SBF2: variants seen among roughly 807,000 people sequenced by gnomAD.
The protein encoded by SBF2 is myotubularin-related protein 13.
In SBF2, 112 loss-of-function variants were observed where a neutral mutation model predicts 225.2. The ratio of observed to expected loss-of-function variants is 0.50; its 90% CI spans 0.43 to 0.58. The LOEUF (loss-of-function observed/expected upper bound fraction) is 0.58. Among genes scored for constraint, SBF2 ranks in the 20% least tolerant of loss-of-function variants. The pLI is 0.00. For synonymous variants in SBF2, 763 were observed against 773.3 expected, an observed-to-expected ratio of 0.99 and a Z score of 0.22; for missense variants, 1,996 against 2,206.2, an observed-to-expected ratio of 0.90 and a Z score of 1.91.
intron 1 of SBF2, among the ~76,000 whole-genome samples, chr11:10,209,307 T>TTC (rs570493961): frequency 0.13 from 11,166 of 85,740 alleles, 650 homozygotes; most frequent in East Asian, 0.51. Flanking sequence ...CTCCACAAAT[T>TTC]TGTTTTTTTT....
chr11:9,942,938 A>AGAAAGAAAGAAG (rs1223846067), intron 16 of SBF2, among the ~76,000 whole-genome samples: 6 of 146,206 alleles, frequency 4.1e-5, no homozygotes, highest in East Asian at 2.0e-4. Context: ...AAAGAAAGAA[A>AGAAAGAAAGAAG]GAAGGAAGGA....
intron 1 of SBF2, among the ~76,000 whole-genome samples, chr11:10,282,139 T>G (rs1441653828): frequency 6.6e-6 from 1 of 152,216 alleles, no homozygotes; most frequent in Non-Finnish European, 1.5e-5. Flanking sequence ...ATACATGACA[T>G]TTTCAGCACA....
At chr11:10,076,457 G>A (rs1951116208) in intron 2 of SBF2, among the ~76,000 whole-genome samples, 1 of 152,224 alleles carries the variant, frequency 6.6e-6, no homozygotes, top group East Asian at 1.9e-4. Context: ...ACTGAGAGGT[G>A]AGAATATGTG....
At chr11:10,267,381 T>A (rs1962097499) in intron 1 of SBF2, among the ~76,000 whole-genome samples, 1 of 151,780 alleles carries the variant, frequency 6.6e-6, no homozygotes, top group African/African-American at 2.4e-5. Flanking sequence ...TTTATAGTAA[T>A]CCGAGTAAGA....
intron 1 of SBF2, among the ~76,000 whole-genome samples, chr11:10,229,928 T>C (rs1478126259): frequency 6.6e-6 from 1 of 152,180 alleles, no homozygotes; most frequent in Non-Finnish European, 1.5e-5. Context: ...AAGTCTCCCA[T>C]TATTATTGTG....
chr11:10,113,872 C>T (rs1266921757), intron 2 of SBF2, among the ~76,000 whole-genome samples: 2 of 150,854 alleles, frequency 1.3e-5, no homozygotes, highest in African/African-American at 2.4e-5. Flanking sequence ...TTTGCTTTTA[C>T]ATTTCTCCAG....
intron 1 of SBF2, among the ~76,000 whole-genome samples, chr11:10,196,741 T>C (rs888771915): frequency 6.0e-5 from 9 of 150,228 alleles, no homozygotes; most frequent in African/African-American, 1.5e-4. Context: ...TTTAAATACA[T>C]AAAAATATAA....
chr11:10,091,597 TAC>T (rs1346311787), intron 2 of SBF2, among the ~76,000 whole-genome samples: 2 of 152,140 alleles, frequency 1.3e-5, no homozygotes, highest in Non-Finnish European at 2.9e-5. Context: ...AGCAAACAAT[TAC>T]TAGTTAATGT....
rs899744438 is a variant in SBF2, at chr11:9,779,265, T to C, written c.*1153A>G. 2.0e-5 allele frequency: 3 copies of C among 152,700 alleles called. No individual in the cohort carries two copies. Among genetic ancestry groups the C allele is most frequent in the South Asian group, 2.1e-4 (1 of 4,836 alleles). The allele number at this position is 152,700 out of a possible 1,614,324, so 9.5% of individuals were successfully genotyped here. A position where few individuals can be genotyped will look rare whatever the true frequency, so the allele number is the denominator to read the frequency against. On this transcript the variant is annotated 3_prime_UTR_variant, in exon 40 of 40. Coordinates refer to ENST00000256190, the MANE Select transcript of SBF2 (RefSeq NM_030962.4). ...ATATAGAAATCATATATACACATTTTTGAAATATTAGTTTAGTATTTAACA... is the reference window on the plus strand; with the variant it reads ...ATATAGAAATCATATATACACATTTCTGAAATATTAGTTTAGTATTTAACA...
chr11:10,193,574 A>G (rs1422223305), intron 2 of SBF2, among the ~76,000 whole-genome samples: 4 of 151,998 alleles, frequency 2.6e-5, no homozygotes, highest in Non-Finnish European at 5.9e-5. Flanking sequence ...GGATGGTATC[A>G]ATCTCCTTAC....
At chr11:9,822,243 G>C (rs1854796437) in intron 28 of SBF2, among the ~76,000 whole-genome samples, 1 of 149,748 alleles carries the variant, frequency 6.7e-6, no homozygotes, top group African/African-American at 2.4e-5. Context: ...GTTTGAATTA[G>C]AATGTAACTA....
At chr11:9,875,356 T>C (rs928855266) in intron 17 of SBF2, among the ~76,000 whole-genome samples, 2 of 152,230 alleles carry the variant, frequency 1.3e-5, no homozygotes, top group Non-Finnish European at 2.9e-5. Context: ...CTAAGGCTTC[T>C]AGGAACATCA....
intron 2 of SBF2, among the ~76,000 whole-genome samples, chr11:10,088,873 G>C (rs900270445): frequency 7.2e-5 from 11 of 152,132 alleles, no homozygotes; most frequent in Non-Finnish European, 8.8e-5. Context: ...GCAGGGCAAG[G>C]ATTTTATCTT....
At chr11:9,792,012 A>G (rs144757131) in intron 33 of SBF2, among the ~76,000 whole-genome samples, 147 of 152,358 alleles carry the variant, frequency 9.6e-4, no homozygotes, top group African/African-American at 3.3e-3. Context: ...AACAGTCCAA[A>G]TCAGACAGCT....
intron 1 of SBF2, among the ~76,000 whole-genome samples, chr11:10,292,759 A>AACACTTT (rs1340635234): frequency 1.3e-5 from 2 of 152,258 alleles, no homozygotes; most frequent in African/African-American, 4.8e-5. Flanking sequence ...AAGGTTAAAA[A>AACACTTT]ACTGATTTCC....
At chr11:10,094,192 G>A (rs1288871895) in intron 2 of SBF2, among the ~76,000 whole-genome samples, 1 of 151,978 alleles carries the variant, frequency 6.6e-6, no homozygotes, top group Non-Finnish European at 1.5e-5. Flanking sequence ...TAGTGGTGGC[G>A]CATGCCTGTA....
At chr11:9,873,625 G>C (rs1009143640) in intron 17 of SBF2, among the ~76,000 whole-genome samples, 3 of 152,198 alleles carry the variant, frequency 2.0e-5, no homozygotes, top group Non-Finnish European at 4.4e-5. Context: ...AGCAGTTTTA[G>C]GGATCTGCAT....
chr11:9,955,114 A>C (rs1179083947), intron 16 of SBF2, among the ~76,000 whole-genome samples: 3 of 152,036 alleles, frequency 2.0e-5, no homozygotes, highest in Non-Finnish European at 4.4e-5. Context: ...CTTTTTTCAA[A>C]TTATAAAAGT....
chr11:9,895,849 A>C, intron 17 of SBF2, 94 bp downstream of exon 17: 1 of 915,570 alleles, frequency 1.1e-6, no homozygotes, highest in Non-Finnish European at 1.8e-6. Context: ...CATGCTACTA[A>C]GAGGACAGGA....
Sources: gnomAD v4.1 joint callset for allele counts (sites outside exome capture counted in the v4.1 genomes callset) on GRCh38, gnomAD v4.1.1 for gene constraint, MANE v1.5 for transcripts, NCBI Gene and HGNC (gene_info 2026-07-23, HGNC 2026-07-21) for gene names.